The following EHMT1 variants were observed in gnomAD, a reference collection of about 807,000 sequenced individuals.
The protein encoded by EHMT1 is histone-lysine N-methyltransferase EHMT1.
EHMT1 carries 15 observed loss-of-function variants against 147.2 expected under a neutral mutation model. That is an observed-to-expected ratio of 0.10 (90% CI 0.07 to 0.16). EHMT1 has a LOEUF of 0.16. Ranked by LOEUF, EHMT1 falls within the 10% of genes least tolerant of loss-of-function variation. The probability of loss-of-function intolerance (pLI) is 1.00; values close to 1 mark genes in which losing one functional copy is unlikely to be tolerated. For missense variants in EHMT1, 1,587 were observed against 1,772.4 expected, an observed-to-expected ratio of 0.90 and a Z score of 1.88; for synonymous variants, 795 against 709.6, an observed-to-expected ratio of 1.12 and a Z score of -1.91.
At chr9:137,806,173 C>T (rs1953932758) in intron 18 of EHMT1, among the ~76,000 whole-genome samples, 3 of 151,768 alleles carry the variant, frequency 2.0e-5, no homozygotes, top group Non-Finnish European at 4.4e-5. Flanking sequence ...GTTGGCTAGG[C>T]TGGTTTCAAA....
At chr9:137,694,379 C>T (rs971541489) in intron 1 of EHMT1, among the ~76,000 whole-genome samples, 2 of 151,602 alleles carry the variant, frequency 1.3e-5, no homozygotes, top group Admixed American at 6.6e-5. Flanking sequence ...GGACTCTGGC[C>T]GATACCCCCC....
At chr9:137,689,085 G>C (rs1942711666) in intron 1 of EHMT1, among the ~76,000 whole-genome samples, 1 of 152,106 alleles carries the variant, frequency 6.6e-6, no homozygotes, top group Non-Finnish European at 1.5e-5. Flanking sequence ...CCATCCCCCA[G>C]GAGTGACTGA....
intron 3 of EHMT1, among the ~76,000 whole-genome samples, chr9:137,722,245 T>G (rs1946133202): frequency 6.6e-6 from 1 of 152,206 alleles, no homozygotes; most frequent in Admixed American, 6.5e-5. Context: ...TTACATTCCT[T>G]TAGGGAAAAA....
chr9:137,825,499 CCT>C (rs1282443440), intron 25 of EHMT1, among the ~76,000 whole-genome samples: 1 of 152,132 alleles, frequency 6.6e-6, no homozygotes, highest in African/African-American at 2.4e-5. Flanking sequence ...ACCCTGGGCA[CCT>C]CTGTTTGTGT....
At chr9:137,759,690 T>C (rs1206605903) in intron 9 of EHMT1, among the ~76,000 whole-genome samples, 1 of 152,258 alleles carries the variant, frequency 6.6e-6, no homozygotes, top group Non-Finnish European at 1.5e-5. Flanking sequence ...GCGATTGGCC[T>C]GTTCAGTCAT....
intron 1 of EHMT1, among the ~76,000 whole-genome samples, chr9:137,639,153 T>G (rs902242626): frequency 2.4e-4 from 36 of 152,216 alleles, no homozygotes; most frequent in African/African-American, 8.7e-4. Flanking sequence ...TTTCTTTGTT[T>G]TGTTGATTTC....
chr9:137,675,786 T>TTATTTTTATTTTTA (rs1318567025), intron 1 of EHMT1, among the ~76,000 whole-genome samples: 1 of 124,496 alleles, frequency 8.0e-6, no homozygotes, highest in East Asian at 2.1e-4. Flanking sequence ...CTAATTTTTT[T>TTATTTTTATTTTTA]TTTTTTTTTT....
At chr9:137,762,951 G>C in intron 10 of EHMT1, 131 bp downstream of exon 10, 1 of 1,201,274 alleles carries the variant, frequency 8.3e-7, no homozygotes, top group Non-Finnish European at 1.2e-6. Context: ...TGGATTCTGC[G>C]CAGAACCAAT....
At chr9:137,763,282 C>T (rs1949980390) in intron 10 of EHMT1, 5 of 273,274 alleles carry the variant, frequency 1.8e-5, no homozygotes, top group Non-Finnish European at 3.5e-5. Flanking sequence ...CACGTCCCGT[C>T]TCTGCTGCCT....
intron 10 of EHMT1, among the ~76,000 whole-genome samples, chr9:137,768,546 T>A (rs1463736715): frequency 1.1e-5 from 1 of 87,858 alleles, no homozygotes; most frequent in Non-Finnish European, 2.2e-5. Flanking sequence ...TTTTTTTTTT[T>A]TTTTTTTTTT....
rs568766888 is a variant in EHMT1, at chr9:137,692,863, C to T, written c.22-18104C>T. On this transcript the variant is annotated intron_variant, in intron 1 of 26. Coordinates refer to ENST00000460843, the MANE Select transcript of EHMT1 (RefSeq NM_024757.5). ...CCTGGGCAGGAGCTGACTTCAGAGCCGGCTGAGGAGGGGTGAACACGTGCG... is the reference window on the plus strand; with the variant it reads ...CCTGGGCAGGAGCTGACTTCAGAGCTGGCTGAGGAGGGGTGAACACGTGCG... 3.9e-4 allele frequency among the ~76,000 whole-genome samples: 60 copies of T among 152,138 alleles called. 2 individuals carry two copies. The South Asian group carries it at 0.011, about 29-fold the overall frequency.
chr9:137,670,478 T>A (rs556301934), intron 1 of EHMT1, among the ~76,000 whole-genome samples: 19 of 152,276 alleles, frequency 1.2e-4, no homozygotes, highest in African/African-American at 4.6e-4. Context: ...GCCTCTGGAC[T>A]CTGGTGTCCT....
chr9:137,830,640 G>A (rs968750194), intron 25 of EHMT1, among the ~76,000 whole-genome samples: 6 of 143,696 alleles, frequency 4.2e-5, no homozygotes, highest in African/African-American at 1.2e-4. Context: ...TCTTTGCAGC[G>A]TCTCACTCCT....
At chr9:137,825,651 C>CT (rs1955761008) in intron 25 of EHMT1, among the ~76,000 whole-genome samples, 1 of 152,182 alleles carries the variant, frequency 6.6e-6, no homozygotes, top group East Asian at 1.9e-4. Context: ...TATTTTTCCT[C>CT]TTGTTGCTTG....
At chr9:137,683,016 G>A (rs1044286982) in intron 1 of EHMT1, among the ~76,000 whole-genome samples, 6 of 152,324 alleles carry the variant, frequency 3.9e-5, no homozygotes, top group African/African-American at 1.4e-4. Context: ...CAGGATTTTC[G>A]CACACCACTT....
At chr9:137,834,244 G>A in intron 25 of EHMT1, 105 bp from the exon 26 acceptor site, 1 of 1,464,830 alleles carries the variant, frequency 6.8e-7, no homozygotes, top group Non-Finnish European at 9.3e-7. Flanking sequence ...TGGCGGGCCT[G>A]CGCCCAACTG....
chr9:137,669,329 A>G (rs1219751743), intron 1 of EHMT1, among the ~76,000 whole-genome samples: 1 of 39,008 alleles, frequency 2.6e-5, no homozygotes, highest in Non-Finnish European at 5.3e-5. Context: ...ACGCCCCCAC[A>G]GCACGTGGAC....
At chr9:137,727,552 C>T (rs1946744745) in intron 3 of EHMT1, among the ~76,000 whole-genome samples, 2 of 152,168 alleles carry the variant, frequency 1.3e-5, no homozygotes, top group African/African-American at 2.4e-5. Context: ...AATGCCCTGT[C>T]GTTTAACACT....
At chr9:137,745,216 G>A (rs1948444083) in intron 6 of EHMT1, among the ~76,000 whole-genome samples, 1 of 152,170 alleles carries the variant, frequency 6.6e-6, no homozygotes, top group Non-Finnish European at 1.5e-5. Flanking sequence ...TGTGTGCTAT[G>A]GCGTATCCCT....
Sources: allele counts gnomAD v4.1 joint callset (sites outside exome capture counted in the v4.1 genomes callset), GRCh38; gene constraint gnomAD v4.1.1; transcripts MANE v1.5; gene names NCBI Gene and HGNC (gene_info 2026-07-23, HGNC 2026-07-21).